LMCD1: variants seen among roughly 807,000 people sequenced by gnomAD.
LMCD1 encodes the protein LIM and cysteine-rich domains protein 1.
In LMCD1, 32 loss-of-function variants were observed where a neutral mutation model predicts 42.7. That is an observed-to-expected ratio of 0.75 (90% confidence interval 0.57 to 1.01). LMCD1 has a LOEUF of 1.01. Ranked by LOEUF, LMCD1 falls within the 50% of genes least tolerant of loss-of-function variation. LMCD1 has a pLI of 0.00. For missense variants in LMCD1, 458 were observed against 483.1 expected (o/e 0.95, Z 0.49); for synonymous variants, 178 against 184.9 (o/e 0.96, Z 0.30).
rs114723928 is a variant in LMCD1 at position 8,532,927 on chromosome 3, G to C, written c.131+102G>C. 3,146 of 933,988 alleles carry C rather than the reference G, an allele frequency of 3.4e-3. 31 individuals are homozygous for C. The highest frequency in any genetic ancestry group is 0.02 in the Middle Eastern group (83 of 4,210). The allele number at this position is 933,988 out of a possible 1,614,324, so 57.9% of individuals were successfully genotyped here. A position where few individuals can be genotyped will look rare whatever the true frequency, so the allele number is the denominator to read the frequency against. Reference sequence around the variant, plus strand: ...TTCGCTGAGACTGCTTTGGTTGTATGCGTTGTCAGGGAAGGATGGCTGCAG... The same window carrying C: ...TTCGCTGAGACTGCTTTGGTTGTATCCGTTGTCAGGGAAGGATGGCTGCAG... On this transcript the variant is annotated intron_variant, in intron 2 of 5. Coordinates refer to ENST00000157600, the MANE Select transcript of LMCD1 (RefSeq NM_014583.4).
At chr3:8,516,925 C>T (rs865943239) in intron 1 of LMCD1, among the ~76,000 whole-genome samples, 2 of 152,188 alleles carry the variant, frequency 1.3e-5, no homozygotes, top group East Asian at 1.9e-4. Context: ...TACTCTAGCA[C>T]GAGGCATAGT....
chr3:8,562,229 G>A (rs1407850669), intron 4 of LMCD1, among the ~76,000 whole-genome samples: 1 of 152,152 alleles, frequency 6.6e-6, no homozygotes, highest in Non-Finnish European at 1.5e-5. Context: ...ACAGATAAAG[G>A]AGCCCCAGAT....
At chr3:8,503,923 C>G (rs1206654012) in intron 1 of LMCD1, among the ~76,000 whole-genome samples, 1 of 152,160 alleles carries the variant, frequency 6.6e-6, no homozygotes, top group African/African-American at 2.4e-5. Context: ...TGTGTTGCCA[C>G]TTGGAGGAAG....
At chr3:8,556,435 C>A (rs1265887823) in intron 4 of LMCD1, among the ~76,000 whole-genome samples, 1 of 150,876 alleles carries the variant, frequency 6.6e-6, no homozygotes, top group Admixed American at 6.6e-5. Flanking sequence ...TGTGTTGGAT[C>A]AGGACGTGTA....
intron 5 of LMCD1, among the ~76,000 whole-genome samples, chr3:8,566,854 T>C (rs573428522): frequency 4.3e-4 from 65 of 152,320 alleles, no homozygotes; most frequent in African/African-American, 1.5e-3. Flanking sequence ...ATTTTACAGA[T>C]GTGGAAGCTG....
chr3:8,532,723 T>C lies in LMCD1; in HGVS notation c.43-14T>C, dbSNP rs368359688. ...TTTGGAAGGAAAACACCCTCTTTTC[T>C]GTTCCTTTTCCAGATGTCCCTGGGC... On this transcript the variant is annotated splice_polypyrimidine_tract_variant and intron_variant, in intron 1 of 5. Coordinates refer to ENST00000157600, the MANE Select transcript of LMCD1 (RefSeq NM_014583.4). 6.2e-7 allele frequency: 1 copy of C among 1,612,752 alleles called. No individual in the cohort carries two copies. Among genetic ancestry groups the C allele is most frequent in the African/African-American group, 1.3e-5 (1 of 75,016 alleles).
chr3:8,528,858 G>A (rs529966808), intron 1 of LMCD1, among the ~76,000 whole-genome samples: 294 of 152,150 alleles, frequency 1.9e-3, no homozygotes, highest in South Asian at 3.5e-3. Context: ...ATCCCCAGGG[G>A]TCTCCTGGTC....
At chr3:8,517,466 A>G (rs1694120955) in intron 1 of LMCD1, among the ~76,000 whole-genome samples, 1 of 152,224 alleles carries the variant, frequency 6.6e-6, no homozygotes, top group Admixed American at 6.5e-5. Context: ...CTCAACCTGT[A>G]CTATGTCTAA....
At chr3:8,506,248 G>A (rs1271607278) in intron 1 of LMCD1, among the ~76,000 whole-genome samples, 1 of 152,278 alleles carries the variant, frequency 6.6e-6, no homozygotes. Context: ...AAGCATCTCA[G>A]CTCCAAGGCT....
At position 8,513,543 on chromosome 3, in the gene LMCD1, GT is replaced by G. The variant is rs112994131; in HGVS notation, c.42+11564del. ...ACCAAGAGAAGAACTCCAAACCCAT[GT>G]CATAAACACTCAAGAAAAATCAGCA... On this transcript the variant is annotated intron_variant, in intron 1 of 5. Transcript: ENST00000157600. 5.9e-3 allele frequency among the ~76,000 whole-genome samples: 896 copies of G among 152,224 alleles called. 10 individuals carry two copies. The highest frequency in any genetic ancestry group is 0.01 in the South Asian group (49 of 4,814).
intron 3 of LMCD1, among the ~76,000 whole-genome samples, chr3:8,543,892 C>T (rs995034424): frequency 6.6e-6 from 1 of 152,192 alleles, no homozygotes; most frequent in African/African-American, 2.4e-5. Flanking sequence ...TTCAGACCTA[C>T]CTGACTGACA....
intron 1 of LMCD1, among the ~76,000 whole-genome samples, chr3:8,504,691 G>A (rs1043161773): frequency 1.3e-5 from 2 of 152,198 alleles, no homozygotes; most frequent in Non-Finnish European, 2.9e-5. Flanking sequence ...TAAGTAAAAT[G>A]CTTCCACCGG....
At chr3:8,517,584 G>A (rs1694123040) in intron 1 of LMCD1, among the ~76,000 whole-genome samples, 1 of 152,198 alleles carries the variant, frequency 6.6e-6, no homozygotes, top group Non-Finnish European at 1.5e-5. Context: ...ATTGAACCAT[G>A]TTAGTCAGCA....
rs1332730519 is a variant in LMCD1 at position 8,565,717 on chromosome 3, AGAG to A, written c.939+74_939+76del. The A allele has an allele frequency of 2.1e-6, 3 of 1,397,498 alleles. No homozygotes were observed. In the East Asian group the frequency reaches 7.5e-5, roughly 35 times the overall value. The allele number at this position is 1,397,498 out of a possible 1,614,324, so 86.6% of individuals were successfully genotyped here. On this transcript the variant is annotated intron_variant, in intron 5 of 5. Transcript: ENST00000157600. ...GCTGAGGGTAAAAGCCCAGAGGCCAAGAGGAGCATGGCTTTGTGGATGATGTGT... is the reference window on the plus strand; with the variant it reads ...GCTGAGGGTAAAAGCCCAGAGGCCAAGAGCATGGCTTTGTGGATGATGTGT...
intron 4 of LMCD1, among the ~76,000 whole-genome samples, chr3:8,559,736 T>C (rs902099414): frequency 5.9e-5 from 9 of 152,188 alleles, no homozygotes; most frequent in Non-Finnish European, 1.2e-4. Context: ...CAGGACAACC[T>C]CAGGTCTCTC....
At chr3:8,560,533 G>A (rs1255393323) in intron 4 of LMCD1, among the ~76,000 whole-genome samples, 1 of 152,180 alleles carries the variant, frequency 6.6e-6, no homozygotes, top group African/African-American at 2.4e-5. Flanking sequence ...GTTACCCAAT[G>A]GGGTGTAGTT....
At chr3:8,556,264 G>A (rs1268240227) in intron 4 of LMCD1, among the ~76,000 whole-genome samples, 1 of 152,120 alleles carries the variant, frequency 6.6e-6, no homozygotes, top group African/African-American at 2.4e-5. Flanking sequence ...GTTAAACAGT[G>A]TTTTCAAACT....
chr3:8,563,800 C>T (rs555342235), intron 4 of LMCD1, among the ~76,000 whole-genome samples: 4 of 152,272 alleles, frequency 2.6e-5, no homozygotes, highest in African/African-American at 9.6e-5. Context: ...CAAAGTCAAC[C>T]GCAACAGTGA....
chr3:8,557,637 C>T (rs913467944), intron 4 of LMCD1, among the ~76,000 whole-genome samples: 4 of 152,180 alleles, frequency 2.6e-5, no homozygotes, highest in African/African-American at 7.2e-5. Context: ...GCCATTGTCC[C>T]GAGTCTGCTG....
Sources: gnomAD v4.1 joint callset for allele counts (sites outside exome capture counted in the v4.1 genomes callset) on GRCh38, gnomAD v4.1.1 for gene constraint, MANE v1.5 for transcripts, NCBI Gene and HGNC (gene_info 2026-07-23, HGNC 2026-07-21) for gene names.